Variants in UMAD1 observed in about 807,000 individuals in gnomAD.
The protein encoded by UMAD1 is UBAP1-MVB12-associated (UMA) domain containing 1.
UMAD1 carries 8 observed loss-of-function variants against 6.1 expected under a neutral mutation model. That is an observed-to-expected ratio of 1.30 (90% CI 0.76 to 2.35). The LOEUF is 2.35. UMAD1 is among the 30% of genes most tolerant of loss of function. The pLI, the probability that UMAD1 is intolerant of heterozygous loss-of-function variation, is 0.00. For missense variants in UMAD1, 130 were observed against 78.4 expected (o/e 1.66, Z -2.49); for synonymous variants, 56 against 31.4 (o/e 1.78, Z -2.61).
intron 3 of UMAD1, among the ~76,000 whole-genome samples, chr7:7,844,491 GCAGTGACTGGC>G (rs1478762898): frequency 2.0e-5 from 3 of 152,096 alleles, no homozygotes; most frequent in East Asian, 3.9e-4. Context: ...GCATTTTATA[GCAGTGACTGGC>G]GTTGGTAGTA....
At chr7:7,669,150 A>G (rs537920856) in intron 1 of UMAD1, among the ~76,000 whole-genome samples, 2 of 152,232 alleles carry the variant, frequency 1.3e-5, no homozygotes, top group Admixed American at 1.3e-4. Context: ...TTTGTATAGG[A>G]AAAAACATAC....
chr7:7,662,335 C>T (rs1228207678), intron 1 of UMAD1, among the ~76,000 whole-genome samples: 2 of 152,170 alleles, frequency 1.3e-5, no homozygotes, highest in East Asian at 3.9e-4. Context: ...GTTTTGCTGG[C>T]GTTCTAGGGG....
chr7:7,729,879 T>G (rs1049623126), intron 2 of UMAD1, among the ~76,000 whole-genome samples: 1 of 152,236 alleles, frequency 6.6e-6, no homozygotes, highest in African/African-American at 2.4e-5. Flanking sequence ...TGTCCCTCTT[T>G]CCTGCCACTA....
chr7:7,700,924 C>T (rs1780445667), intron 2 of UMAD1, among the ~76,000 whole-genome samples: 1 of 152,034 alleles, frequency 6.6e-6, no homozygotes, highest in Admixed American at 6.6e-5. Context: ...GTGGTGCATA[C>T]CTGTAGTCCC....
intron 3 of UMAD1, among the ~76,000 whole-genome samples, chr7:7,814,467 T>A (rs73054050): frequency 0.29 from 44,566 of 152,006 alleles, 6,618 homozygotes; most frequent in Admixed American, 0.34. Context: ...ATGCATCTGC[T>A]TGCTTTATTT....
chr7:7,801,869 A>G (rs1782806571), intron 3 of UMAD1, 126 bp downstream of exon 3: 1 of 629,218 alleles, frequency 1.6e-6, no homozygotes, highest in Non-Finnish European at 2.9e-6. Context: ...CAGGGAAACA[A>G]GTGGTCTGCT....
At chr7:7,721,510 G>A (rs1288368618) in intron 2 of UMAD1, among the ~76,000 whole-genome samples, 1 of 152,186 alleles carries the variant, frequency 6.6e-6, no homozygotes, top group Non-Finnish European at 1.5e-5. Context: ...TCATGCATTT[G>A]AATAAGTAGT....
chr7:7,777,009 A>G (rs181362187), intron 2 of UMAD1, among the ~76,000 whole-genome samples: 60 of 152,294 alleles, frequency 3.9e-4, no homozygotes, highest in African/African-American at 1.4e-3. Context: ...CCATGCTTGT[A>G]TGCAAAAGGT....
At chr7:7,835,462 CTTTTT>C (rs150411259) in intron 3 of UMAD1, among the ~76,000 whole-genome samples, 33 of 33,668 alleles carry the variant, frequency 9.8e-4, no homozygotes, top group African/African-American at 3.3e-3. Context: ...TGAAACAGCA[CTTTTT>C]TTTTTTTTTT....
At chr7:7,749,604 C>A (rs1781639094) in intron 2 of UMAD1, among the ~76,000 whole-genome samples, 1 of 152,050 alleles carries the variant, frequency 6.6e-6, no homozygotes, top group Non-Finnish European at 1.5e-5. Flanking sequence ...ATGTGAATTC[C>A]CCTCTTGGCA....
intron 2 of UMAD1, among the ~76,000 whole-genome samples, chr7:7,766,963 C>A (rs1422245016): frequency 6.6e-6 from 1 of 151,986 alleles, no homozygotes; most frequent in East Asian, 1.9e-4. Context: ...GCATTCTTGC[C>A]TATTCTGCTT....
intron 2 of UMAD1, chr7:7,742,118 AG>A: frequency 1.7e-6 from 1 of 605,864 alleles, no homozygotes; most frequent in Non-Finnish European, 3.2e-6. Context: ...CAACATCCAA[AG>A]CATCGTAATC....
chr7:7,651,523 C>T (rs1785223405), intron 1 of UMAD1, among the ~76,000 whole-genome samples: 1 of 152,162 alleles, frequency 6.6e-6, no homozygotes, highest in South Asian at 2.1e-4. Context: ...TATTATTTTC[C>T]CTATGGCCAT....
At chr7:7,757,896 G>A (rs1294716354) in intron 2 of UMAD1, among the ~76,000 whole-genome samples, 1 of 152,116 alleles carries the variant, frequency 6.6e-6, no homozygotes, top group Non-Finnish European at 1.5e-5. Context: ...GCAGGGTTCT[G>A]TGTTGTGTTG....
At chr7:7,652,689 A>G (rs556743637) in intron 1 of UMAD1, among the ~76,000 whole-genome samples, 1 of 152,374 alleles carries the variant, frequency 6.6e-6, no homozygotes, top group East Asian at 1.9e-4. Context: ...GGCCTACCAC[A>G]GTGCCTGGCC....
intron 1 of UMAD1, among the ~76,000 whole-genome samples, chr7:7,665,515 T>C (rs937893697): frequency 3.3e-5 from 5 of 152,258 alleles, no homozygotes; most frequent in Non-Finnish European, 7.3e-5. Flanking sequence ...TGTCAATAAA[T>C]TTTTAAAGAA....
intron 2 of UMAD1, chr7:7,772,240 C>T (rs1327386442): frequency 6.6e-6 from 1 of 152,158 alleles, no homozygotes; most frequent in Non-Finnish European, 1.5e-5. Flanking sequence ...TAATTCCTTA[C>T]TATGGATTTT....
chr7:7,873,131 C>G (rs546379485), intron 3 of UMAD1, among the ~76,000 whole-genome samples: 2 of 152,292 alleles, frequency 1.3e-5, no homozygotes, highest in East Asian at 3.9e-4. Context: ...TAACTGTTAT[C>G]AATCTCATAA....
At chr7:7,849,996 GA>G (rs776235892) in intron 3 of UMAD1, among the ~76,000 whole-genome samples, 3 of 152,128 alleles carry the variant, frequency 2.0e-5, no homozygotes, top group Non-Finnish European at 4.4e-5. Flanking sequence ...TAAAAAGTCT[GA>G]AAACACCCAT....
Sources: gnomAD v4.1 joint callset for allele counts (sites outside exome capture counted in the v4.1 genomes callset) on GRCh38, gnomAD v4.1.1 for gene constraint, MANE v1.5 for transcripts, NCBI Gene and HGNC (gene_info 2026-07-23, HGNC 2026-07-21) for gene names.